FBXO42: variants seen among roughly 807,000 people sequenced by gnomAD.
The protein encoded by FBXO42 is F-box only protein 42.
Under a neutral mutation model 71.7 loss-of-function variants are expected in FBXO42, and 12 were observed. That is an observed-to-expected ratio of 0.17 (90% CI 0.11 to 0.27). The LOEUF (loss-of-function observed/expected upper bound fraction) is 0.27. Ranked by LOEUF, FBXO42 falls within the 10% of genes least tolerant of loss-of-function variation. The probability of loss-of-function intolerance (pLI) is 1.00; values close to 1 mark genes in which losing one functional copy is unlikely to be tolerated. For missense variants in FBXO42, 707 were observed against 911.9 expected (o/e 0.78, Z 2.89); for synonymous variants, 325 against 327.5 (o/e 0.99, Z 0.08).
At chr1:16,340,363 G>A (rs555796780) in intron 1 of FBXO42, among the ~76,000 whole-genome samples, 1 of 151,872 alleles carries the variant, frequency 6.6e-6, no homozygotes, top group East Asian at 1.9e-4. Flanking sequence ...TTGTTGCCTA[G>A]GCTAGAGTGA....
At chr1:16,261,612 T>C (rs1280676617) in intron 4 of FBXO42, among the ~76,000 whole-genome samples, 1 of 149,882 alleles carries the variant, frequency 6.7e-6, no homozygotes, top group Non-Finnish European at 1.5e-5. Flanking sequence ...GAAAAAAACT[T>C]ACCATACAAG....
chr1:16,258,358 TCTTC>T (rs1024161638), intron 4 of FBXO42, among the ~76,000 whole-genome samples: 10 of 138,448 alleles, frequency 7.2e-5, no homozygotes, highest in Middle Eastern at 3.3e-3. Context: ...TTTCATTTCT[TCTTC>T]CTTTTTTTTT....
intron 4 of FBXO42, among the ~76,000 whole-genome samples, chr1:16,291,970 C>G (rs957980307): frequency 2.5e-4 from 38 of 152,140 alleles, no homozygotes; most frequent in African/African-American, 9.2e-4. Context: ...CTGTGCCCAG[C>G]CAGGACTCTT....
At chr1:16,287,137 C>T (rs991798963) in intron 4 of FBXO42, among the ~76,000 whole-genome samples, 2 of 152,218 alleles carry the variant, frequency 1.3e-5, no homozygotes, top group Non-Finnish European at 2.9e-5. Flanking sequence ...CCAACCTCCT[C>T]TCCTTTGTTC....
At chr1:16,284,874 G>A (rs908876260) in intron 4 of FBXO42, among the ~76,000 whole-genome samples, 11 of 151,920 alleles carry the variant, frequency 7.2e-5, no homozygotes, top group East Asian at 1.9e-4. Flanking sequence ...AGGCTGAGGC[G>A]GGAGAATCGC....
chr1:16,302,128 A>G (rs1354091388), intron 3 of FBXO42, among the ~76,000 whole-genome samples: 1 of 152,198 alleles, frequency 6.6e-6, no homozygotes, highest in African/African-American at 2.4e-5. Flanking sequence ...ATATTAGGGA[A>G]GCAGAGAGGA....
intron 1 of FBXO42, among the ~76,000 whole-genome samples, chr1:16,347,772 G>A (rs901394857): frequency 4.6e-5 from 7 of 152,002 alleles, no homozygotes; most frequent in Non-Finnish European, 1.0e-4. Flanking sequence ...GGCAGATCAC[G>A]AGGTCTGGAA....
At chr1:16,304,458 A>G (rs2082229516) in intron 3 of FBXO42, among the ~76,000 whole-genome samples, 1 of 152,038 alleles carries the variant, frequency 6.6e-6, no homozygotes, top group Non-Finnish European at 1.5e-5. Context: ...CACATTCAAA[A>G]TTTTTGTAGG....
chr1:16,351,363 C>T lies in FBXO42; in HGVS notation c.-18+892G>A, dbSNP rs185916914. On this transcript the variant is annotated intron_variant, in intron 1 of 9. Transcript: ENST00000375592. ...GAACAACATAGTTTCAACGTCGGGGCCAGCAACTGCCAGCAAGTAAAACTG... is the reference window on the plus strand; with the variant it reads ...GAACAACATAGTTTCAACGTCGGGGTCAGCAACTGCCAGCAAGTAAAACTG... 9.1e-4 allele frequency among the ~76,000 whole-genome samples: 139 copies of T among 152,250 alleles called. 2 individuals are homozygous for T. The South Asian group carries it at 0.013, about 14-fold the overall frequency.
chr1:16,309,548 A>T (rs12132841), intron 2 of FBXO42, among the ~76,000 whole-genome samples: 53,065 of 152,028 alleles, frequency 0.35, 9,732 homozygotes, highest in African/African-American at 0.41. Context: ...AAAATCTAGA[A>T]GACCTTGACT....
rs184889977 is a variant in FBXO42 at position 16,259,685 on chromosome 1, G to A, written c.503-2926C>T. ...GGAGGCTGAGGCACAAGAATTGCTT[G>A]AAACTAGGAGGTGGAGGTTGCAGTG... On this transcript the variant is annotated intron_variant, in intron 4 of 9. Coordinates refer to ENST00000375592, the MANE Select transcript of FBXO42 (RefSeq NM_018994.3). Among the ~76,000 whole-genome samples, 1,213 of 150,372 alleles carry A rather than the reference G, an allele frequency of 8.1e-3. 16 individuals are homozygous for A. Among genetic ancestry groups the A allele is most frequent in the African/African-American group, 0.027 (1,101 of 40,648 alleles).
At chr1:16,309,765 C>A (rs1005050750) in intron 2 of FBXO42, among the ~76,000 whole-genome samples, 3 of 151,490 alleles carry the variant, frequency 2.0e-5, no homozygotes, top group Non-Finnish European at 2.9e-5. Flanking sequence ...CCGGGTGTGG[C>A]CGGGTGCAGT....
At chr1:16,315,992 G>A (rs951082604) in intron 1 of FBXO42, among the ~76,000 whole-genome samples, 2 of 151,882 alleles carry the variant, frequency 1.3e-5, no homozygotes, top group African/African-American at 4.8e-5. Flanking sequence ...CAAACATGGA[G>A]AAACCCCGTC....
At position 16,252,494 on chromosome 1, in the gene FBXO42, T is replaced by G. The variant is rs1569804557; in HGVS notation, c.922-90A>C. 1.9e-6 allele frequency: 2 copies of G among 1,045,028 alleles called. No individual in the cohort carries two copies. Among genetic ancestry groups the G allele is most frequent in the East Asian group, 4.8e-5 (2 of 41,894 alleles). 64.7% of individuals were successfully genotyped at this position (1,045,028 alleles called of 1,614,324 possible). On this transcript the variant is annotated intron_variant, in intron 8 of 9. Coordinates refer to ENST00000375592, the MANE Select transcript of FBXO42 (RefSeq NM_018994.3). The surrounding 1 kb of genome is among the most constrained non-coding windows in gnomAD (Gnocchi z 4.4). ...GAGTTGCAGTCTCAAAGCTCTCCTG[T>G]CTGGTCTTGAAAGGATGTGGACTCT...
chr1:16,298,756 C>A (rs1342974195), intron 3 of FBXO42, among the ~76,000 whole-genome samples: 1 of 152,052 alleles, frequency 6.6e-6, no homozygotes, highest in African/African-American at 2.4e-5. Flanking sequence ...GTGATCCGCT[C>A]GCCTCGGCCT....
intron 2 of FBXO42, among the ~76,000 whole-genome samples, chr1:16,312,490 A>T (rs2082322365): frequency 6.6e-6 from 1 of 152,222 alleles, no homozygotes; most frequent in Non-Finnish European, 1.5e-5. Flanking sequence ...ACAGTAAAAA[A>T]ATCAGTGATT....
At chr1:16,334,447 G>T (rs547169653) in intron 1 of FBXO42, among the ~76,000 whole-genome samples, 1 of 148,416 alleles carries the variant, frequency 6.7e-6, no homozygotes, top group East Asian at 2.0e-4. Flanking sequence ...AAAACAGACT[G>T]ATTCTACAGA....
chr1:16,300,975 T>C (rs1449589922), intron 3 of FBXO42, among the ~76,000 whole-genome samples: 1 of 146,146 alleles, frequency 6.8e-6, no homozygotes, highest in African/African-American at 2.6e-5. Context: ...CTTGGCTCAC[T>C]GCAACCTCTG....
At chr1:16,314,879 G>A (rs1290061762) in intron 2 of FBXO42, among the ~76,000 whole-genome samples, 2 of 148,532 alleles carry the variant, frequency 1.3e-5, no homozygotes, top group Non-Finnish European at 3.0e-5. Flanking sequence ...GTGAGACTCC[G>A]TCTGAAAAAA....
Sources: allele counts gnomAD v4.1 joint callset (sites outside exome capture counted in the v4.1 genomes callset), GRCh38; gene constraint gnomAD v4.1.1; non-coding constraint Gnocchi (gnomAD v3.1); transcripts MANE v1.5; gene names NCBI Gene and HGNC (gene_info 2026-07-23, HGNC 2026-07-21).